GALNT18: variants seen among roughly 807,000 people sequenced by gnomAD.
GALNT18 encodes the protein polypeptide N-acetylgalactosaminyltransferase 18.
In GALNT18, 44 loss-of-function variants were observed where a neutral mutation model predicts 69.5. That is an observed-to-expected ratio of 0.63 (90% CI 0.50 to 0.81). The LOEUF (loss-of-function observed/expected upper bound fraction) is 0.81, where lower values mean the gene tolerates loss of function less well. GALNT18 is among the 40% of genes least tolerant of loss of function. The pLI is 0.00. For synonymous variants in GALNT18, 364 were observed against 318.2 expected (o/e 1.14, Z -1.53); for missense variants, 715 against 810.0 (o/e 0.88, Z 1.42).
At chr11:11,468,733 C>T (rs1033923923) in intron 1 of GALNT18, among the ~76,000 whole-genome samples, 2 of 152,046 alleles carry the variant, frequency 1.3e-5, no homozygotes, top group East Asian at 1.9e-4. Context: ...ACAGGATGCT[C>T]GCTAATGCTG....
intron 3 of GALNT18, among the ~76,000 whole-genome samples, chr11:11,390,225 T>C (rs1162715317): frequency 6.6e-6 from 1 of 152,166 alleles, no homozygotes; most frequent in Non-Finnish European, 1.5e-5. Context: ...TGCAAGACTG[T>C]GTGCTCGTCA....
intron 6 of GALNT18, among the ~76,000 whole-genome samples, chr11:11,360,081 C>G (rs1333491447): frequency 1.3e-5 from 2 of 152,166 alleles, no homozygotes; most frequent in Non-Finnish European, 2.9e-5. Flanking sequence ...CACATAAACA[C>G]TTACTCCACC....
intron 6 of GALNT18, among the ~76,000 whole-genome samples, chr11:11,365,217 A>T (rs4393307): frequency 0.066 from 10,098 of 151,978 alleles, 483 homozygotes; most frequent in Admixed American, 0.13. Context: ...TCAGTGTTCA[A>T]CTTCCACTTA....
chr11:11,597,663 C>CTT (rs1438591992), intron 1 of GALNT18, among the ~76,000 whole-genome samples: 14 of 137,536 alleles, frequency 1.0e-4, no homozygotes, highest in East Asian at 4.2e-4. Flanking sequence ...TTTGAGTATT[C>CTT]TTTTTTTTTT....
chr11:11,497,750 CTATA>C lies in GALNT18; in HGVS notation c.236-48818_236-48815del, dbSNP rs56791321. On this transcript the variant is annotated intron_variant, in intron 1 of 10. Transcript: ENST00000227756. The surrounding 1 kb of genome is among the most constrained non-coding windows in gnomAD (Gnocchi z 4.2). ...ATGTGTATGTGCATATACATATTTT[CTATA>C]TATATATATATATACACACACACAC... Among the ~76,000 whole-genome samples, 3 of 144,866 alleles carry C rather than the reference CTATA, an allele frequency of 2.1e-5. No homozygotes were observed. Among genetic ancestry groups the C allele is most frequent in the Non-Finnish European group, 3.0e-5 (2 of 66,450 alleles).
At chr11:11,358,826 A>AACACACACAC (rs10644506) in intron 6 of GALNT18, among the ~76,000 whole-genome samples, 4,345 of 110,814 alleles carry the variant, frequency 0.039, 518 homozygotes, top group East Asian at 0.097. Flanking sequence ...ATCCACACAA[A>AACACACACAC]ACACACACAC....
Position 11,459,351 on chromosome 11 carries a change from C to G in GALNT18, c.236-10415G>C, listed in dbSNP as rs113565358. ...CAGGAGGAAGGAGCCCTGACAGTCT[C>G]AGGTCCAACACCATTAAAATCCTCT... On this transcript the variant is annotated intron_variant, in intron 1 of 10. Coordinates refer to ENST00000227756, the MANE Select transcript of GALNT18 (RefSeq NM_198516.3). This position sits in a 1 kb window ranked among gnomAD's most constrained non-coding sequence, Gnocchi z 5.0. Among the ~76,000 whole-genome samples the G allele has an allele frequency of 0.01, 1,524 of 152,254 alleles. 27 individuals are homozygous for G. The highest frequency in any genetic ancestry group is 0.035 in the African/African-American group (1,434 of 41,552).
At position 11,404,367 on chromosome 11, in the gene GALNT18, TTC is replaced by T. The variant is rs1266475103; in HGVS notation, c.596-25105_596-25104del. 2.6e-5 allele frequency among the ~76,000 whole-genome samples: 4 copies of T among 152,148 alleles called. No homozygotes were observed. In the East Asian group the frequency reaches 5.8e-4, roughly 22 times the overall value. On this transcript the variant is annotated intron_variant, in intron 3 of 10. Transcript: ENST00000227756. This position sits in a 1 kb window ranked among gnomAD's most constrained non-coding sequence, Gnocchi z 4.5. ...TTGGATTCAACTTCGGCTGCTTTTATTCTCTCACCCTCCCTAGGGAAAGCAAA... is the reference window on the plus strand; with the variant it reads ...TTGGATTCAACTTCGGCTGCTTTTATTCTCACCCTCCCTAGGGAAAGCAAA...
chr11:11,621,319 C>G lies in GALNT18; in HGVS notation c.235+40G>C, dbSNP rs979948055. The G allele has an allele frequency of 1.9e-6, 3 of 1,570,432 alleles. No individual in the cohort carries two copies. ...CACCCCGCGCCGCGCGGGGCACTCC[C>G]GGGCCTCATGGGCGACCCAAGTTTC... On this transcript the variant is annotated intron_variant, in intron 1 of 10. Transcript: ENST00000227756. The surrounding 1 kb of genome is among the most constrained non-coding windows in gnomAD (Gnocchi z 9.3).
chr11:11,534,595 G>A (rs952432266), intron 1 of GALNT18, among the ~76,000 whole-genome samples: 17 of 152,176 alleles, frequency 1.1e-4, no homozygotes, highest in African/African-American at 3.9e-4. Context: ...CTGAGATACA[G>A]GTCTATCCTT....
At chr11:11,456,886 ATT>A (rs1855936506) in intron 1 of GALNT18, among the ~76,000 whole-genome samples, 2 of 152,338 alleles carry the variant, frequency 1.3e-5, no homozygotes, top group South Asian at 4.1e-4. Flanking sequence ...CACACAGCCC[ATT>A]GATAAGAGTG....
At chr11:11,467,230 C>T (rs1590028733) in intron 1 of GALNT18, among the ~76,000 whole-genome samples, 2 of 152,312 alleles carry the variant, frequency 1.3e-5, no homozygotes, top group African/African-American at 4.8e-5. Context: ...GCAGAAGCCA[C>T]ACTGAGGATC....
At chr11:11,528,062 G>C (rs1293787072) in intron 1 of GALNT18, among the ~76,000 whole-genome samples, 1 of 152,220 alleles carries the variant, frequency 6.6e-6, no homozygotes, top group African/African-American at 2.4e-5. Context: ...TACAAAGGAG[G>C]AAACTGAGTC....
intron 1 of GALNT18, among the ~76,000 whole-genome samples, chr11:11,567,354 A>C (rs1858679051): frequency 6.6e-6 from 1 of 152,198 alleles, no homozygotes; most frequent in South Asian, 2.1e-4. Flanking sequence ...TAACACCTCC[A>C]TTAAAGAAGG....
intron 3 of GALNT18, among the ~76,000 whole-genome samples, chr11:11,418,243 A>G (rs1199320295): frequency 6.6e-6 from 1 of 152,236 alleles, no homozygotes; most frequent in Non-Finnish European, 1.5e-5. Flanking sequence ...AGAAGAAGGA[A>G]TCAAAGAAGT....
intron 1 of GALNT18, among the ~76,000 whole-genome samples, chr11:11,611,533 A>G (rs1859899967): frequency 6.6e-6 from 1 of 152,210 alleles, no homozygotes; most frequent in Non-Finnish European, 1.5e-5. Flanking sequence ...CATGGAACAG[A>G]GAATTCACCA....
chr11:11,348,930 A>G (rs1251706133), intron 6 of GALNT18, among the ~76,000 whole-genome samples: 1 of 152,142 alleles, frequency 6.6e-6, no homozygotes, highest in Admixed American at 6.5e-5. Flanking sequence ...ACAACTGTTG[A>G]TCTTCCACCC....
In GALNT18 at chr11:11,586,789, C is replaced by A. The variant is rs1228232193; in HGVS notation, c.235+34570G>T. Among the ~76,000 whole-genome samples, 3 of 149,320 alleles carry A rather than the reference C, an allele frequency of 2.0e-5. No individual in the cohort carries two copies. Among genetic ancestry groups the A allele is most frequent in the African/African-American group, 7.4e-5 (3 of 40,620 alleles). On this transcript the variant is annotated intron_variant, in intron 1 of 10. Transcript: ENST00000227756. This position sits in a 1 kb window ranked among gnomAD's most constrained non-coding sequence, Gnocchi z 4.1. Reference sequence around the variant, plus strand: ...AGGAGTTTGAGACCAGCCTGGCCAACATGGTTAAACACCATCTCTACTAAA... The same window carrying A: ...AGGAGTTTGAGACCAGCCTGGCCAAAATGGTTAAACACCATCTCTACTAAA...
chr11:11,313,343 T>G (rs1019009273), intron 9 of GALNT18, among the ~76,000 whole-genome samples: 1 of 152,112 alleles, frequency 6.6e-6, no homozygotes, highest in Non-Finnish European at 1.5e-5. Context: ...GATTGAGAGA[T>G]ATTTTCAAAT....
Sources: allele counts gnomAD v4.1 joint callset (sites outside exome capture counted in the v4.1 genomes callset), GRCh38; gene constraint gnomAD v4.1.1; non-coding constraint Gnocchi (gnomAD v3.1); transcripts MANE v1.5; gene names NCBI Gene and HGNC (gene_info 2026-07-23, HGNC 2026-07-21).